Variants in CDYL observed in about 807,000 individuals in gnomAD.
The protein encoded by CDYL is chromodomain Y-like protein.
Under a neutral mutation model 47.3 loss-of-function variants are expected in CDYL, and 8 were observed. That is an observed-to-expected ratio of 0.17 (90% CI 0.10 to 0.31). The LOEUF (loss-of-function observed/expected upper bound fraction) is 0.31, where lower values mean the gene tolerates loss of function less well. CDYL is among the 10% of genes least tolerant of loss of function. The pLI is 1.00. For synonymous variants in CDYL, 266 were observed against 265.0 expected (o/e 1.00, Z -0.04); for missense variants, 471 against 701.4 (o/e 0.67, Z 3.71).
At chr6:4,781,134 C>T (rs1355026371) in intron 1 of CDYL, among the ~76,000 whole-genome samples, 1 of 152,102 alleles carries the variant, frequency 6.6e-6, no homozygotes, top group African/African-American at 2.4e-5. Flanking sequence ...AGAATGAAAT[C>T]GTATCTGGTG....
At chr6:4,856,087 A>G (rs1760999526) in intron 1 of CDYL, among the ~76,000 whole-genome samples, 1 of 152,228 alleles carries the variant, frequency 6.6e-6, no homozygotes, top group East Asian at 1.9e-4. Flanking sequence ...TGCTCAGCAA[A>G]TGTGCCTCCT....
chr6:4,924,893 A>G (rs1474311294), intron 2 of CDYL, among the ~76,000 whole-genome samples: 2 of 152,218 alleles, frequency 1.3e-5, no homozygotes, highest in Admixed American at 6.5e-5. Flanking sequence ...CCTAATAGAA[A>G]CAGTAGCACA....
intron 1 of CDYL, among the ~76,000 whole-genome samples, chr6:4,812,236 T>A (rs150905255): frequency 6.6e-6 from 1 of 152,348 alleles, no homozygotes; most frequent in African/African-American, 2.4e-5. Flanking sequence ...TAAAGATCAC[T>A]CTGTGTGGTG....
chr6:4,871,879 A>G lies in CDYL; in HGVS notation c.25-19834A>G, dbSNP rs905653287. 2.6e-5 allele frequency among the ~76,000 whole-genome samples: 4 copies of G among 152,148 alleles called. No homozygotes were observed. The South Asian group carries it at 6.2e-4, about 24-fold the overall frequency. On this transcript the variant is annotated intron_variant, in intron 1 of 6. Transcript: ENST00000397588. ...CTGACCCCTAATATTCCGCATTGGCATTGTGACAGTTTTGCTGTTAGGAGC... is the reference window on the plus strand; with the variant it reads ...CTGACCCCTAATATTCCGCATTGGCGTTGTGACAGTTTTGCTGTTAGGAGC...
At chr6:4,840,522 T>A (rs1372570904) in intron 1 of CDYL, among the ~76,000 whole-genome samples, 1 of 152,192 alleles carries the variant, frequency 6.6e-6, no homozygotes, top group Middle Eastern at 3.2e-3. Context: ...CATTCAGTGT[T>A]ATGTTGGCTT....
intron 1 of CDYL, among the ~76,000 whole-genome samples, chr6:4,819,158 C>CTG (rs1447808844): frequency 1.4e-4 from 18 of 128,988 alleles, no homozygotes; most frequent in South Asian, 2.2e-4. Context: ...CTCTCTCTCT[C>CTG]TCTCTGTGTG....
intron 2 of CDYL, among the ~76,000 whole-genome samples, chr6:4,731,310 G>C (rs1253257283): frequency 1.3e-5 from 2 of 152,164 alleles, no homozygotes; most frequent in Admixed American, 6.5e-5. Flanking sequence ...TTTATGAGTA[G>C]TTAAGACATA....
At chr6:4,739,373 G>T (rs1187063048) in intron 3 of CDYL, among the ~76,000 whole-genome samples, 1 of 151,260 alleles carries the variant, frequency 6.6e-6, no homozygotes, top group African/African-American at 2.4e-5. Flanking sequence ...CAAAAAATTA[G>T]CTGGGCATGG....
At chr6:4,790,820 A>G (rs1426108529) in intron 1 of CDYL, among the ~76,000 whole-genome samples, 1 of 152,254 alleles carries the variant, frequency 6.6e-6, no homozygotes, top group African/African-American at 2.4e-5. Flanking sequence ...ATGGAAAGCA[A>G]TTTTTGACTG....
At chr6:4,944,520 C>CGCAGCCAG (rs1288097479) in intron 5 of CDYL, among the ~76,000 whole-genome samples, 1 of 152,188 alleles carries the variant, frequency 6.6e-6, no homozygotes, top group East Asian at 1.9e-4. Context: ...CAGCAGCACC[C>CGCAGCCAG]GCAGCCAGGC....
At chr6:4,829,288 A>G (rs1167860343) in intron 1 of CDYL, among the ~76,000 whole-genome samples, 1 of 152,142 alleles carries the variant, frequency 6.6e-6, no homozygotes, top group African/African-American at 2.4e-5. Flanking sequence ...ACATTTCCAC[A>G]CTATTCTGTA....
chr6:4,875,499 G>C (rs1410149971), intron 1 of CDYL, among the ~76,000 whole-genome samples: 1 of 152,006 alleles, frequency 6.6e-6, no homozygotes, highest in Non-Finnish European at 1.5e-5. Context: ...GCCATGTTTT[G>C]CCATTTTTGT....
intron 1 of CDYL, among the ~76,000 whole-genome samples, chr6:4,862,025 C>G (rs767013749): frequency 2.0e-5 from 3 of 152,172 alleles, no homozygotes; most frequent in Admixed American, 6.5e-5. Flanking sequence ...CCTGCCTCCT[C>G]CCCGACCCCT....
At chr6:4,902,438 C>A (rs893927754) in intron 2 of CDYL, among the ~76,000 whole-genome samples, 51 of 151,266 alleles carry the variant, frequency 3.4e-4, no homozygotes, top group Non-Finnish European at 7.1e-4. Context: ...AGGTACTGAG[C>A]AAGCCTGGAC....
intron 1 of CDYL, among the ~76,000 whole-genome samples, chr6:4,847,360 T>TC (rs781418507): frequency 2.6e-5 from 4 of 152,304 alleles, no homozygotes; most frequent in Non-Finnish European, 5.9e-5. Context: ...TCTGTCTTTT[T>TC]CCCCACATTC....
chr6:4,838,409 T>C (rs1406046656), intron 1 of CDYL, among the ~76,000 whole-genome samples: 1 of 152,202 alleles, frequency 6.6e-6, no homozygotes, highest in Non-Finnish European at 1.5e-5. Context: ...GATGTTTGGT[T>C]TTCCATTCCT....
At chr6:4,883,786 C>T (rs952187522) in intron 1 of CDYL, among the ~76,000 whole-genome samples, 2 of 152,216 alleles carry the variant, frequency 1.3e-5, no homozygotes, top group Non-Finnish European at 2.9e-5. Flanking sequence ...TGCACTCTCC[C>T]TCTGTGAAGG....
intron 2 of CDYL, among the ~76,000 whole-genome samples, chr6:4,929,841 T>A: frequency 6.6e-6 from 1 of 152,234 alleles, no homozygotes; most frequent in East Asian, 1.9e-4. Context: ...TAACTGATTT[T>A]ATCTTAGTCA....
intron 1 of CDYL, among the ~76,000 whole-genome samples, chr6:4,879,561 T>G (rs953266068): frequency 4.8e-5 from 7 of 145,888 alleles, no homozygotes; most frequent in South Asian, 2.2e-4. Flanking sequence ...GGTTTTTTTT[T>G]TTTTTTTTTT....
Sources: gnomAD v4.1 joint callset for allele counts (sites outside exome capture counted in the v4.1 genomes callset) on GRCh38, gnomAD v4.1.1 for gene constraint, MANE v1.5 for transcripts, NCBI Gene and HGNC (gene_info 2026-07-23, HGNC 2026-07-21) for gene names.